The following OR1J2 variants were observed in gnomAD, a reference collection of about 807,000 sequenced individuals.
OR1J2 encodes olfactory receptor family 1 subfamily J member 2, also known as olfactory receptor 1J2.
For missense variants in OR1J2, 304 were observed against 246.1 expected, an observed-to-expected ratio of 1.24 and a Z score of -1.57; for synonymous variants, 142 against 99.7, an observed-to-expected ratio of 1.42 and a Z score of -2.52.
chr9:122,539,278 C>A, the OR1J2 span, among the ~76,000 whole-genome samples: 1 of 152,098 alleles, frequency 6.6e-6, no homozygotes, highest in African/African-American at 2.4e-5. Flanking sequence ...CCCCACCCCA[C>A]AACATGCCCT....
the OR1J2 span, among the ~76,000 whole-genome samples, chr9:122,482,103 G>T: frequency 2.0e-5 from 3 of 151,976 alleles, no homozygotes; most frequent in Non-Finnish European, 4.4e-5. Context: ...AAATATTTTC[G>T]AACTGTGTGT....
chr9:122,448,081 C>T, the OR1J2 span, among the ~76,000 whole-genome samples: 4 of 152,076 alleles, frequency 2.6e-5, no homozygotes, highest in East Asian at 1.9e-4. Context: ...GCACTGGCAC[C>T]GGTCTCTGAG....
chr9:122,470,491 C>T, the OR1J2 span, among the ~76,000 whole-genome samples: 8 of 152,222 alleles, frequency 5.3e-5, no homozygotes, highest in Non-Finnish European at 1.2e-4. Flanking sequence ...CATGGAGAAC[C>T]TTTGCTAGGG....
At chr9:122,544,351 A>AT in the OR1J2 span, among the ~76,000 whole-genome samples, 1 of 143,422 alleles carries the variant, frequency 7.0e-6, no homozygotes. Context: ...TAAAAGCTCT[A>AT]TTTTTCAAGA....
chr9:122,551,870 A>G, the OR1J2 span, among the ~76,000 whole-genome samples: 1 of 152,112 alleles, frequency 6.6e-6, no homozygotes, highest in Non-Finnish European at 1.5e-5. Flanking sequence ...GGTATTTCTA[A>G]TAAACTCTGG....
At chr9:122,508,931 C>CT (rs1425627743), upstream of OR1J2, among the ~76,000 whole-genome samples, 1 of 152,118 alleles carries the variant, frequency 6.6e-6, no homozygotes, top group Non-Finnish European at 1.5e-5. Flanking sequence ...TGTTTTCTTG[C>CT]TTTTTTCTAG....
At chr9:122,486,181 A>T in the OR1J2 span, among the ~76,000 whole-genome samples, 1 of 151,996 alleles carries the variant, frequency 6.6e-6, no homozygotes, top group Admixed American at 6.5e-5. Flanking sequence ...GCTGGCCTTG[A>T]ACTCCTGACA....
upstream of OR1J2, among the ~76,000 whole-genome samples, chr9:122,507,060 CCTCTCTGTTTA>C (rs1217103177): frequency 6.6e-6 from 1 of 152,188 alleles, no homozygotes; most frequent in South Asian, 2.1e-4. Context: ...CAAGCATATT[CCTCTCTGTTTA>C]CTCAGGACAA....
At chr9:122,526,679 G>A in the OR1J2 span, 2 of 1,614,192 alleles carry the variant, frequency 1.2e-6, no homozygotes, top group East Asian at 4.5e-5. Context: ...AGGGGACGAT[G>A]AGTACGGTGC....
At chr9:122,568,160 A>G in the OR1J2 span, 13 of 1,614,204 alleles carry the variant, frequency 8.1e-6, no homozygotes, top group East Asian at 1.1e-4. Flanking sequence ...TGCCCAAGGC[A>G]TAGAGAAAAT....
chr9:122,490,871 A>G, the OR1J2 span, among the ~76,000 whole-genome samples: 1 of 152,180 alleles, frequency 6.6e-6, no homozygotes, highest in East Asian at 1.9e-4. Flanking sequence ...TACTAAACAC[A>G]GTTGGTATAG....
the OR1J2 span, among the ~76,000 whole-genome samples, chr9:122,499,418 A>G: frequency 1.3e-5 from 2 of 152,124 alleles, no homozygotes; most frequent in African/African-American, 2.4e-5. Context: ...GGGATGTGGC[A>G]TCTCAGGCCG....
At chr9:122,471,269 G>A in the OR1J2 span, 2 of 152,164 alleles carry the variant, frequency 1.3e-5, no homozygotes, top group Non-Finnish European at 2.9e-5. Context: ...CTGTTCTCAT[G>A]GTAGTGAATA....
At chr9:122,532,924 A>T in the OR1J2 span, among the ~76,000 whole-genome samples, 1 of 152,038 alleles carries the variant, frequency 6.6e-6, no homozygotes, top group Non-Finnish European at 1.5e-5. Flanking sequence ...GTGTGTTTTT[A>T]TGAGAATTAT....
At chr9:122,540,745 T>G in the OR1J2 span, among the ~76,000 whole-genome samples, 1 of 152,226 alleles carries the variant, frequency 6.6e-6, no homozygotes, top group Admixed American at 6.5e-5. Context: ...TTCCTACCCA[T>G]GAGCATGGAA....
the OR1J2 span, among the ~76,000 whole-genome samples, chr9:122,524,972 T>C: frequency 6.6e-6 from 1 of 152,148 alleles, no homozygotes; most frequent in African/African-American, 2.4e-5. Context: ...TAGAGGTCAA[T>C]GGCTTGGAGG....
At chr9:122,509,007 A>G (rs1368113867), upstream of OR1J2, among the ~76,000 whole-genome samples, 3 of 152,162 alleles carry the variant, frequency 2.0e-5, no homozygotes, top group Non-Finnish European at 4.4e-5. Flanking sequence ...CCAACAACAT[A>G]ACATCTTCGA....
the OR1J2 span, chr9:122,568,715 C>G: frequency 2.5e-6 from 1 of 399,068 alleles, no homozygotes; most frequent in Admixed American, 4.1e-5. Flanking sequence ...GAGAGTTTTC[C>G]TTTAGAAACT....
chr9:122,518,566 T>C, the OR1J2 span, among the ~76,000 whole-genome samples: 1 of 152,258 alleles, frequency 6.6e-6, no homozygotes, highest in Admixed American at 6.5e-5. Flanking sequence ...AGCTCTCACC[T>C]TTAAATATTT....
Sources: allele counts gnomAD v4.1 joint callset (sites outside exome capture counted in the v4.1 genomes callset), GRCh38; gene constraint gnomAD v4.1.1; transcripts MANE v1.5; gene names NCBI Gene and HGNC (gene_info 2026-07-23, HGNC 2026-07-21).